The following CNOT6L variants were observed in gnomAD, a reference collection of about 807,000 sequenced individuals.
CNOT6L encodes the protein CCR4-NOT transcription complex subunit 6-like.
CNOT6L carries 7 observed loss-of-function variants against 64.0 expected under a neutral mutation model. That is an observed-to-expected ratio of 0.11 (90% CI 0.06 to 0.21). CNOT6L has a LOEUF of 0.21. Ranked by LOEUF, CNOT6L falls within the 10% of genes least tolerant of loss-of-function variation. The pLI, the probability that CNOT6L is intolerant of heterozygous loss-of-function variation, is 1.00. For synonymous variants in CNOT6L, 193 were observed against 243.4 expected (o/e 0.79, Z 1.93); for missense variants, 245 against 669.0 (o/e 0.37, Z 6.99).
upstream of CNOT6L, chr4:77,819,375 A>C: frequency 5.7e-5 from 89 of 1,569,188 alleles, no homozygotes; most frequent in Middle Eastern, 5.2e-4. Flanking sequence ...ACACACAAAC[A>C]CGCGCGCGCG....
chr4:77,722,741 G>C (rs982917167), intron 11 of CNOT6L, among the ~76,000 whole-genome samples: 2 of 152,094 alleles, frequency 1.3e-5, no homozygotes. Context: ...TCTCAGCCAG[G>C]TTATGTCTGT....
intron 4 of CNOT6L, among the ~76,000 whole-genome samples, chr4:77,759,812 T>G (rs867452300): frequency 1.1e-4 from 17 of 152,158 alleles, no homozygotes; most frequent in East Asian, 5.8e-4. Context: ...TGGCCTATTA[T>G]TTACATAATA....
chr4:77,771,382 T>C (rs1727546985), intron 4 of CNOT6L, among the ~76,000 whole-genome samples: 1 of 152,070 alleles, frequency 6.6e-6, no homozygotes, highest in Non-Finnish European at 1.5e-5. Flanking sequence ...TCTATCAATA[T>C]CGGGAAGAAG....
At chr4:77,721,078 AT>A (rs973083117) in intron 11 of CNOT6L, among the ~76,000 whole-genome samples, 6 of 152,354 alleles carry the variant, frequency 3.9e-5, no homozygotes, top group Middle Eastern at 3.4e-3. Context: ...ATATCAAGAT[AT>A]CCAAACACAC....
chr4:77,784,799 TG>T (rs1478267400), intron 1 of CNOT6L, among the ~76,000 whole-genome samples: 1 of 152,176 alleles, frequency 6.6e-6, no homozygotes, highest in Non-Finnish European at 1.5e-5. Flanking sequence ...TCCACTTTTT[TG>T]ATTTAGTTTC....
intron 1 of CNOT6L, among the ~76,000 whole-genome samples, chr4:77,786,828 G>T (rs1388294678): frequency 1.3e-5 from 2 of 152,082 alleles, no homozygotes; most frequent in African/African-American, 4.8e-5. Context: ...GTTCACAGGG[G>T]TTGCTGAAAA....
rs201884466 is a variant in CNOT6L, at chr4:77,742,593, TTCC to T, written c.718-301_718-299del. ...TACAGTTCACTCCATTATACTTTAC[TTCC>T]TCAAGACTGGCAACTAAACAAAGCA... On this transcript the variant is annotated intron_variant, in intron 7 of 11. Coordinates refer to ENST00000504123, the MANE Select transcript of CNOT6L (RefSeq NM_144571.3). 923 of 338,070 alleles carry T rather than the reference TTCC, an allele frequency of 2.7e-3. 8 individuals carry two copies. Among genetic ancestry groups the T allele is most frequent in the African/African-American group, 0.018 (850 of 47,310 alleles). The allele number at this position is 338,070 out of a possible 1,614,324, so 20.9% of individuals were successfully genotyped here. A position where few individuals can be genotyped will look rare whatever the true frequency, so the allele number is the denominator to read the frequency against.
intron 1 of CNOT6L, among the ~76,000 whole-genome samples, chr4:77,816,653 G>C (rs1733613780): frequency 6.6e-6 from 1 of 151,972 alleles, no homozygotes; most frequent in South Asian, 2.1e-4. Flanking sequence ...ATTTTAGTTT[G>C]AATTTTAGAA....
intron 6 of CNOT6L, 111 bp downstream of exon 6, chr4:77,748,205 G>T: frequency 1.3e-6 from 1 of 760,212 alleles, no homozygotes; most frequent in Non-Finnish European, 2.3e-6. Context: ...ATTTTTAAAT[G>T]CATCTACCCA....
chr4:77,739,672 T>C (rs2109931055), intron 8 of CNOT6L, among the ~76,000 whole-genome samples: 1 of 152,214 alleles, frequency 6.6e-6, no homozygotes, highest in Admixed American at 6.5e-5. Flanking sequence ...TGAAAAGAGG[T>C]ACAATATACT....
At chr4:77,811,278 G>A (rs755112909) in intron 1 of CNOT6L, among the ~76,000 whole-genome samples, 2 of 152,100 alleles carry the variant, frequency 1.3e-5, no homozygotes, top group Admixed American at 6.6e-5. Context: ...GGTCGGGCGC[G>A]GTGGCTCACA....
chr4:77,726,092 A>C (rs1208970640), intron 11 of CNOT6L, 75 bp downstream of exon 11: 7 of 1,295,154 alleles, frequency 5.4e-6, no homozygotes. Context: ...AATTAATCAT[A>C]AAGAATTTAC....
chr4:77,795,168 C>T (rs948341237), intron 1 of CNOT6L, among the ~76,000 whole-genome samples: 2 of 151,654 alleles, frequency 1.3e-5, no homozygotes, highest in South Asian at 2.1e-4. Flanking sequence ...TACAGACATG[C>T]GCCACCACGG....
chr4:77,734,465 T>C (rs1249441108), intron 8 of CNOT6L, among the ~76,000 whole-genome samples: 2 of 152,178 alleles, frequency 1.3e-5, no homozygotes, highest in Non-Finnish European at 2.9e-5. Flanking sequence ...TAGTCCACTC[T>C]ACAGATTCAC....
rs116037967 is a variant in CNOT6L, at chr4:77,741,952, A to G, written c.872+189T>C. Among the ~76,000 whole-genome samples, 1,367 of 152,318 alleles carry G rather than the reference A, an allele frequency of 9.0e-3. 10 individuals carry two copies. Among genetic ancestry groups the G allele is most frequent in the Non-Finnish European group, 0.014 (959 of 68,014 alleles). On this transcript the variant is annotated intron_variant, in intron 8 of 11. Coordinates refer to ENST00000504123, the MANE Select transcript of CNOT6L (RefSeq NM_144571.3). ...TTATTTGGTAATAAAAGCATAAGGA[A>G]TAATACAATAAATATCCTTATTTCG... is the stretch of plus-strand genomic sequence containing the variant.
chr4:77,759,560 G>A (rs558803022), intron 4 of CNOT6L, among the ~76,000 whole-genome samples: 49 of 145,630 alleles, frequency 3.4e-4, no homozygotes, highest in Non-Finnish European at 5.9e-4. Context: ...GCGTGACTCC[G>A]TCTCCAAAAA....
intron 4 of CNOT6L, among the ~76,000 whole-genome samples, chr4:77,757,915 C>T (rs936637097): frequency 1.2e-4 from 18 of 152,158 alleles, no homozygotes; most frequent in African/African-American, 4.1e-4. Flanking sequence ...GGCCAGGCTG[C>T]TCTTGAACTT....
At chr4:77,752,051 T>C (rs1724921939) in intron 5 of CNOT6L, among the ~76,000 whole-genome samples, 1 of 152,112 alleles carries the variant, frequency 6.6e-6, no homozygotes, top group Non-Finnish European at 1.5e-5. Context: ...CGGGAGCCTG[T>C]AGTCCCTAGC....
chr4:77,752,098 C>G (rs1724925760), intron 5 of CNOT6L, among the ~76,000 whole-genome samples: 2 of 152,082 alleles, frequency 1.3e-5, no homozygotes, highest in African/African-American at 4.8e-5. Context: ...CACTTCAGCC[C>G]AGGAGTTGGA....
Sources: gnomAD v4.1 joint callset for allele counts (sites outside exome capture counted in the v4.1 genomes callset) on GRCh38, gnomAD v4.1.1 for gene constraint, MANE v1.5 for transcripts, NCBI Gene and HGNC (gene_info 2026-07-23, HGNC 2026-07-21) for gene names.